Variants in BNC2 observed in about 807,000 individuals in gnomAD.
BNC2 encodes the protein basonuclin zinc finger protein 2, also known as zinc finger protein basonuclin-2.
BNC2 carries 20 observed loss-of-function variants against 76.3 expected under a neutral mutation model. The observed-to-expected ratio is 0.26, with a 90% CI of 0.18 to 0.38. BNC2 has a LOEUF of 0.38. Among genes scored for constraint, BNC2 ranks in the 10% least tolerant of loss-of-function variants. The pLI is 1.00. For missense variants in BNC2, 1,382 were observed against 1,399.8 expected (o/e 0.99, Z 0.20); for synonymous variants, 582 against 514.8 (o/e 1.13, Z -1.77).
intron 4 of BNC2, among the ~76,000 whole-genome samples, chr9:16,560,367 C>T (rs566747216): frequency 3.3e-5 from 5 of 152,078 alleles, no homozygotes; most frequent in Non-Finnish European, 7.4e-5. Flanking sequence ...CTGTGGAAAG[C>T]TTATAATTTT....
chr9:16,808,331 A>T (rs1298757626), intron 1 of BNC2, among the ~76,000 whole-genome samples: 1 of 152,064 alleles, frequency 6.6e-6, no homozygotes, highest in African/African-American at 2.4e-5. Context: ...CAAACAGCAG[A>T]GCCTAGAATC....
At chr9:16,430,441 T>A (rs1392844367) in intron 6 of BNC2, among the ~76,000 whole-genome samples, 2 of 152,198 alleles carry the variant, frequency 1.3e-5, no homozygotes, top group East Asian at 3.9e-4. Context: ...TTCTTAGAGG[T>A]ATTGCCTGGT....
chr9:16,764,044 A>G (rs1413771578), intron 1 of BNC2, among the ~76,000 whole-genome samples: 1 of 152,218 alleles, frequency 6.6e-6, no homozygotes, highest in East Asian at 1.9e-4. Flanking sequence ...GAGAATTAAA[A>G]TAAGAGCTGG....
chr9:16,516,414 A>G (rs1728822377), intron 5 of BNC2, among the ~76,000 whole-genome samples: 1 of 152,156 alleles, frequency 6.6e-6, no homozygotes, highest in Non-Finnish European at 1.5e-5. Context: ...AAGCGAGTTT[A>G]CAGTGGATAA....
intron 1 of BNC2, among the ~76,000 whole-genome samples, chr9:16,812,067 G>T (rs1047339572): frequency 1.3e-5 from 2 of 152,200 alleles, no homozygotes; most frequent in African/African-American, 4.8e-5. Flanking sequence ...CAGCTGCAGG[G>T]GAATGAAGCA....
At chr9:16,480,689 G>A (rs1822031766) in intron 5 of BNC2, among the ~76,000 whole-genome samples, 1 of 152,240 alleles carries the variant, frequency 6.6e-6, no homozygotes, top group Admixed American at 6.5e-5. Flanking sequence ...TCCCCCAGCA[G>A]TGCCAGCCCA....
intron 3 of BNC2, among the ~76,000 whole-genome samples, chr9:16,600,245 A>G (rs1294361040): frequency 6.6e-6 from 1 of 152,214 alleles, no homozygotes; most frequent in Non-Finnish European, 1.5e-5. Flanking sequence ...TAGATAAGGA[A>G]AGCACAATTC....
At chr9:16,614,463 G>A (rs1207797296) in intron 3 of BNC2, among the ~76,000 whole-genome samples, 17 of 146,078 alleles carry the variant, frequency 1.2e-4, no homozygotes, top group Non-Finnish European at 1.4e-4. Flanking sequence ...ACCTTTTCTT[G>A]AAAAAAAAAA....
At chr9:16,749,711 A>C (rs1196346764) in intron 1 of BNC2, among the ~76,000 whole-genome samples, 1 of 152,164 alleles carries the variant, frequency 6.6e-6, no homozygotes, top group Admixed American at 6.6e-5. Flanking sequence ...TAAAAAAAAA[A>C]AAAAAATAGT....
intron 3 of BNC2, among the ~76,000 whole-genome samples, chr9:16,654,790 A>G (rs1029716095): frequency 6.6e-6 from 1 of 152,188 alleles, no homozygotes; most frequent in African/African-American, 2.4e-5. Flanking sequence ...TCTGTTCTAA[A>G]TATTTTAAAT....
intron 5 of BNC2, among the ~76,000 whole-genome samples, chr9:16,511,363 G>A (rs1587115312): frequency 7.1e-6 from 1 of 141,032 alleles, no homozygotes; most frequent in South Asian, 2.2e-4. Context: ...GTCCCACCTC[G>A]TTTTCCCAAA....
chr9:16,780,976 G>T (rs182352712), intron 1 of BNC2, among the ~76,000 whole-genome samples: 3 of 151,510 alleles, frequency 2.0e-5, no homozygotes, highest in Admixed American at 2.0e-4. Context: ...TGCACTTAAA[G>T]AAAATTCTCT....
At chr9:16,677,077 G>GA in intron 3 of BNC2, among the ~76,000 whole-genome samples, 1 of 152,162 alleles carries the variant, frequency 6.6e-6, no homozygotes, top group South Asian at 2.1e-4. Flanking sequence ...GAAAATTTCA[G>GA]AAAAAAATTC....
At position 16,566,720 on chromosome 9, in the gene BNC2, C is replaced by T. The variant is rs566181996; in HGVS notation, c.434-13955G>A. Among the ~76,000 whole-genome samples, 9 of 152,132 alleles carry T rather than the reference C, an allele frequency of 5.9e-5. 1 individual carries two copies. In the East Asian group the frequency reaches 1.2e-3, roughly 20 times the overall value. ...TGTGATCAATACGCTAGACTGATGG[C>T]CTTATAGCTATAGAAAAAGGTGTAG... On this transcript the variant is annotated intron_variant, in intron 4 of 6. Transcript: ENST00000380672.
rs145208668 is a variant in BNC2, at chr9:16,410,220, T to A, written c.*8769A>T. 6.6e-6 allele frequency: 1 copy of A among 152,102 alleles called. No individual in the cohort carries two copies. The highest frequency in any genetic ancestry group is 1.9e-4 in the East Asian group (1 of 5,168). The allele number at this position is 152,102 out of a possible 1,614,324, so 9.4% of individuals were successfully genotyped here. A position where few individuals can be genotyped will look rare whatever the true frequency, so the allele number is the denominator to read the frequency against. ...CCCAACCAGCCCCTTCCCCTCACCTTTGGGGAGGCAGAAAAGCAGCAAGGA... is the reference window on the plus strand; with the variant it reads ...CCCAACCAGCCCCTTCCCCTCACCTATGGGGAGGCAGAAAAGCAGCAAGGA... On this transcript the variant is annotated 3_prime_UTR_variant, in exon 7 of 7. Coordinates refer to ENST00000380672, the MANE Select transcript of BNC2 (RefSeq NM_017637.6).
At chr9:16,666,161 A>G (rs1822283473) in intron 3 of BNC2, among the ~76,000 whole-genome samples, 1 of 152,156 alleles carries the variant, frequency 6.6e-6, no homozygotes, top group Non-Finnish European at 1.5e-5. Context: ...GTTTTTTAGA[A>G]TATTTTTCCC....
intron 3 of BNC2, among the ~76,000 whole-genome samples, chr9:16,644,186 G>C (rs1821563639): frequency 6.6e-6 from 1 of 152,138 alleles, no homozygotes; most frequent in Admixed American, 6.6e-5. Context: ...ATTCCAGAGA[G>C]ATATTTTCAT....
At chr9:16,514,970 T>A (rs1381537632) in intron 5 of BNC2, among the ~76,000 whole-genome samples, 1 of 152,200 alleles carries the variant, frequency 6.6e-6, no homozygotes, top group Non-Finnish European at 1.5e-5. Flanking sequence ...TATATTCTGG[T>A]TTCTGGAACC....
intron 3 of BNC2, among the ~76,000 whole-genome samples, chr9:16,598,684 A>G (rs559052861): frequency 1.3e-5 from 2 of 152,150 alleles, no homozygotes; most frequent in Non-Finnish European, 1.5e-5. Context: ...ATAGAAAAGC[A>G]TATGTTCCCC....
Sources: allele counts gnomAD v4.1 joint callset (sites outside exome capture counted in the v4.1 genomes callset), GRCh38; gene constraint gnomAD v4.1.1; transcripts MANE v1.5; gene names NCBI Gene and HGNC (gene_info 2026-07-23, HGNC 2026-07-21).